Variants in TGFBR2 observed in about 807,000 individuals in gnomAD.
The protein encoded by TGFBR2 is TGF-beta receptor type-2.
A neutral mutation model predicts 49.0 loss-of-function variants in TGFBR2; 18 were observed. The observed-to-expected ratio is 0.37, with a 90% CI of 0.25 to 0.54. The LOEUF (loss-of-function observed/expected upper bound fraction) is 0.54, where lower values mean the gene tolerates loss of function less well. TGFBR2 is among the 20% of genes least tolerant of loss of function. TGFBR2 has a pLI of 0.85. For missense variants in TGFBR2, 525 were observed against 722.6 expected, an observed-to-expected ratio of 0.73 and a Z score of 3.13; for synonymous variants, 282 against 275.9, an observed-to-expected ratio of 1.02 and a Z score of -0.22.
chr3:30,652,290 A>G (rs1698906649), intron 3 of TGFBR2, among the ~76,000 whole-genome samples: 1 of 131,010 alleles, frequency 7.6e-6, no homozygotes, highest in African/African-American at 3.0e-5. Flanking sequence ...GCTGGAGTGC[A>G]ATGGCACGAT....
chr3:30,690,823 A>G (rs1325545165), intron 6 of TGFBR2, among the ~76,000 whole-genome samples: 1 of 152,212 alleles, frequency 6.6e-6, no homozygotes, highest in Non-Finnish European at 1.5e-5. Context: ...GTCATTATAC[A>G]TTTGTCAAAA....
chr3:30,632,558 T>G (rs191668298), intron 1 of TGFBR2, among the ~76,000 whole-genome samples: 84 of 152,304 alleles, frequency 5.5e-4, no homozygotes, highest in Non-Finnish European at 9.4e-4. Flanking sequence ...TCCTGAAAGG[T>G]TTTTTAGAAG....
intron 1 of TGFBR2, among the ~76,000 whole-genome samples, chr3:30,624,873 G>C (rs1015007654): frequency 2.0e-5 from 3 of 152,102 alleles, no homozygotes; most frequent in African/African-American, 7.2e-5. Context: ...CAGTGGGCTT[G>C]ATTAGGACTG....
chr3:30,692,061 G>C lies in TGFBR2; in HGVS notation c.*462G>C. The C allele has an allele frequency of 4.4e-6, 1 of 225,390 alleles. No individual in the cohort carries two copies. The allele number at this position is 225,390 out of a possible 1,614,324, so 14.0% of individuals were successfully genotyped here. On this transcript the variant is annotated 3_prime_UTR_variant, in exon 7 of 7. Coordinates refer to ENST00000295754, the MANE Select transcript of TGFBR2 (RefSeq NM_003242.6). ...GCAGAGAAGGAAGGGACCCATGACA[G>C]CATTAGCATTTGACAATCACACATG...
At chr3:30,655,976 G>T (rs904450035) in intron 3 of TGFBR2, among the ~76,000 whole-genome samples, 1 of 152,198 alleles carries the variant, frequency 6.6e-6, no homozygotes, top group African/African-American at 2.4e-5. Flanking sequence ...GGGGCCTATT[G>T]CATTAGCATC....
rs139130691 is a variant in TGFBR2, at chr3:30,637,675, T to C, written c.95-7072T>C. 6.6e-5 allele frequency among the ~76,000 whole-genome samples: 10 copies of C among 152,346 alleles called. No homozygotes were observed. The East Asian group carries it at 1.9e-3, about 29-fold the overall frequency. ...AATGCTATAGCCTGGGCTTCAACAC[T>C]TATAAAGATAGCCACATGGAGCTGC... On this transcript the variant is annotated intron_variant, in intron 1 of 6. Coordinates refer to ENST00000295754, the MANE Select transcript of TGFBR2 (RefSeq NM_003242.6).
Position 30,672,128 on chromosome 3 carries a change from G to T in TGFBR2, c.945G>T (p.Thr315=), listed in dbSNP as rs1012171192. The change falls in exon 4 of 7, where the codon ACG becomes ACT. Residue 315 remains threonine (T), a synonymous_variant. Coordinates refer to ENST00000295754, the MANE Select transcript of TGFBR2 (RefSeq NM_003242.6). This position sits in a 1 kb window ranked among gnomAD's most constrained non-coding sequence, Gnocchi z 4.5. ...LQFLTAEERK[T]ELGKQYWLIT... ...TCCTGACGGCTGAGGAGCGGAAGAC[G>T]GAGTTGGGGAAACAATACTGGCTGA... 1 of 1,614,194 alleles carries T rather than the reference G, an allele frequency of 6.2e-7. No individual in the cohort carries two copies. Among genetic ancestry groups the T allele is most frequent in the Non-Finnish European group, 8.5e-7 (1 of 1,180,018 alleles).
chr3:30,633,719 T>A (rs1397118102), intron 1 of TGFBR2, among the ~76,000 whole-genome samples: 2 of 152,160 alleles, frequency 1.3e-5, no homozygotes, highest in Non-Finnish European at 2.9e-5. Flanking sequence ...CTTTTTTATT[T>A]CTTTAAGTGG....
intron 1 of TGFBR2, among the ~76,000 whole-genome samples, chr3:30,631,866 G>A (rs989145861): frequency 1.3e-5 from 2 of 152,026 alleles, no homozygotes; most frequent in African/African-American, 4.8e-5. Context: ...CCCCCTCATG[G>A]TCGATTCAGA....
intron 3 of TGFBR2, among the ~76,000 whole-genome samples, chr3:30,660,212 T>G (rs80169894): frequency 0.015 from 2,283 of 152,288 alleles, 54 homozygotes; most frequent in African/African-American, 0.05. Flanking sequence ...AAGAACAATT[T>G]CTCTGAAATG....
chr3:30,670,287 A>G (rs569187466), intron 3 of TGFBR2, among the ~76,000 whole-genome samples: 1 of 152,130 alleles, frequency 6.6e-6, no homozygotes, highest in Non-Finnish European at 1.5e-5. Context: ...CCACTAATAT[A>G]TAGATTACAT....
intron 6 of TGFBR2, 150 bp downstream of exon 6, chr3:30,688,661 A>G: frequency 9.2e-6 from 10 of 1,090,590 alleles, no homozygotes; most frequent in Non-Finnish European, 1.3e-5. Flanking sequence ...GCAAATTTCA[A>G]TACAGTGGAT....
chr3:30,630,575 A>T (rs932744942), intron 1 of TGFBR2, among the ~76,000 whole-genome samples: 1 of 152,190 alleles, frequency 6.6e-6, no homozygotes, highest in Non-Finnish European at 1.5e-5. Flanking sequence ...TCCACAGCCC[A>T]TTGACAACTG....
At chr3:30,678,030 TCAG>T (rs1178709185) in intron 5 of TGFBR2, among the ~76,000 whole-genome samples, 5 of 152,198 alleles carry the variant, frequency 3.3e-5, no homozygotes, top group Non-Finnish European at 7.3e-5. Flanking sequence ...TTTTTTAAAA[TCAG>T]CAGTCTTATT....
chr3:30,649,298 G>A (rs1698835526), intron 2 of TGFBR2, among the ~76,000 whole-genome samples: 1 of 152,192 alleles, frequency 6.6e-6, no homozygotes, highest in South Asian at 2.1e-4. Flanking sequence ...TCATGAGGGA[G>A]CAGAGGGAGG....
chr3:30,607,228 G>A (rs2125439160), intron 1 of TGFBR2, among the ~76,000 whole-genome samples: 1 of 152,362 alleles, frequency 6.6e-6, no homozygotes, highest in Middle Eastern at 3.4e-3. Context: ...GAGCAGGAAA[G>A]GCGTTGTGTT....
At chr3:30,666,641 T>TCCCCCCCCC (rs1699249624) in intron 3 of TGFBR2, among the ~76,000 whole-genome samples, 1 of 103,034 alleles carries the variant, frequency 9.7e-6, no homozygotes, top group Admixed American at 1.1e-4. Context: ...TACCCCCCCA[T>TCCCCCCCCC]CCCCGCCCGC....
chr3:30,636,112 G>T (rs568819967), intron 1 of TGFBR2, among the ~76,000 whole-genome samples: 2 of 151,280 alleles, frequency 1.3e-5, no homozygotes, highest in South Asian at 4.2e-4. Flanking sequence ...ATCCTTAATT[G>T]TTGGCCAGAT....
intron 5 of TGFBR2, among the ~76,000 whole-genome samples, chr3:30,680,751 G>A (rs566559157): frequency 1.3e-5 from 2 of 152,256 alleles, no homozygotes; most frequent in East Asian, 3.9e-4. Flanking sequence ...GACAAGAGGA[G>A]GTGATTGGTG....
Sources: gnomAD v4.1 joint callset for allele counts (sites outside exome capture counted in the v4.1 genomes callset) on GRCh38, gnomAD v4.1.1 for gene constraint, Gnocchi (gnomAD v3.1) non-coding constraint, MANE v1.5 for transcripts, NCBI Gene and HGNC (gene_info 2026-07-23, HGNC 2026-07-21) for gene names.